The following DOK6 variants were observed in gnomAD, a reference collection of about 807,000 sequenced individuals.
The protein encoded by DOK6 is downstream of tyrosine kinase 6.
In DOK6, 22 loss-of-function variants were observed where a neutral mutation model predicts 44.0. The observed-to-expected ratio is 0.50, with a 90% CI of 0.36 to 0.71. DOK6 has a LOEUF of 0.71. DOK6 is among the 30% of genes least tolerant of loss of function. The probability of loss-of-function intolerance (pLI) is 0.00; values close to 1 mark genes in which losing one functional copy is unlikely to be tolerated. For synonymous variants in DOK6, 166 were observed against 145.5 expected (o/e 1.14, Z -1.01); for missense variants, 340 against 416.4 (o/e 0.82, Z 1.60).
intron 2 of DOK6, among the ~76,000 whole-genome samples, chr18:69,571,154 G>A: frequency 6.6e-6 from 1 of 151,708 alleles, no homozygotes; most frequent in East Asian, 1.9e-4. Context: ...TACATAAAGT[G>A]GTACAATATT....
chr18:69,660,204 C>T (rs1332416993), intron 3 of DOK6: 1 of 152,068 alleles, frequency 6.6e-6, no homozygotes, highest in East Asian at 1.9e-4. Context: ...TTCTGTACGT[C>T]TGAAACAAAC....
intron 1 of DOK6, among the ~76,000 whole-genome samples, chr18:69,557,570 G>A (rs1982719170): frequency 6.6e-6 from 1 of 152,168 alleles, no homozygotes; most frequent in Non-Finnish European, 1.5e-5. Context: ...TGGCATGCTG[G>A]CTGGCTGGTT....
intron 7 of DOK6, among the ~76,000 whole-genome samples, chr18:69,801,198 G>A (rs1980896261): frequency 6.6e-6 from 1 of 151,686 alleles, no homozygotes; most frequent in Non-Finnish European, 1.5e-5. Flanking sequence ...ACATGCCTTG[G>A]GCATTTTCCC....
chr18:69,638,130 T>C (rs760128046), intron 3 of DOK6, among the ~76,000 whole-genome samples: 7 of 152,220 alleles, frequency 4.6e-5, no homozygotes, highest in Non-Finnish European at 1.0e-4. Flanking sequence ...AGTAAACATT[T>C]TAGCATGTGT....
intron 3 of DOK6, among the ~76,000 whole-genome samples, chr18:69,601,059 A>G (rs1331261002): frequency 6.6e-6 from 1 of 152,212 alleles, no homozygotes; most frequent in African/African-American, 2.4e-5. Context: ...AGAATAAACT[A>G]CGCTTGAGAA....
intron 1 of DOK6, among the ~76,000 whole-genome samples, chr18:69,466,654 C>CA (rs909116498): frequency 3.5e-4 from 51 of 146,692 alleles, no homozygotes; most frequent in South Asian, 1.3e-3. Context: ...TTTTCAAAAA[C>CA]AAAAAAAAAG....
In DOK6 at chr18:69,493,557, A is replaced by G. The variant is rs1402279086; in HGVS notation, c.67-70930A>G. ...TAATACATGCTAAAATTTGAGAATC[A>G]TTGCACTAGACAAGGCAACTAAGGA... On this transcript the variant is annotated intron_variant, in intron 1 of 7. Coordinates refer to ENST00000382713, the MANE Select transcript of DOK6 (RefSeq NM_152721.6). 8.5e-5 allele frequency among the ~76,000 whole-genome samples: 13 copies of G among 152,224 alleles called. No individual in the cohort carries two copies. In the East Asian group the frequency reaches 2.5e-3, roughly 29 times the overall value.
chr18:69,722,837 T>C (rs1482290520), intron 5 of DOK6, among the ~76,000 whole-genome samples: 2 of 152,148 alleles, frequency 1.3e-5, no homozygotes, highest in Non-Finnish European at 2.9e-5. Context: ...AGGGAATAGA[T>C]AGCATTCCTT....
At chr18:69,617,139 G>A (rs1271458487) in intron 3 of DOK6, among the ~76,000 whole-genome samples, 3 of 151,880 alleles carry the variant, frequency 2.0e-5, no homozygotes, top group African/African-American at 4.8e-5. Context: ...TTTTTAAAAT[G>A]CAATGTACTC....
chr18:69,747,118 T>C (rs1401528465), intron 6 of DOK6, among the ~76,000 whole-genome samples: 1 of 152,210 alleles, frequency 6.6e-6, no homozygotes, highest in African/African-American at 2.4e-5. Context: ...ATGTGAATAT[T>C]CAGTAGTATA....
At chr18:69,514,499 G>A (rs1413086638) in intron 1 of DOK6, among the ~76,000 whole-genome samples, 1 of 151,996 alleles carries the variant, frequency 6.6e-6, no homozygotes, top group South Asian at 2.1e-4. Context: ...TGAATCCTGA[G>A]CTGTAATAAA....
At chr18:69,617,708 AAAG>A (rs1353842996) in intron 3 of DOK6, among the ~76,000 whole-genome samples, 3 of 67,718 alleles carry the variant, frequency 4.4e-5, no homozygotes, top group African/African-American at 1.2e-4. Flanking sequence ...CGGAAAGAGA[AAAG>A]AAAGAAAGAA....
intron 4 of DOK6, among the ~76,000 whole-genome samples, chr18:69,685,391 G>A (rs149812223): frequency 6.6e-6 from 1 of 152,162 alleles, no homozygotes; most frequent in Non-Finnish European, 1.5e-5. Flanking sequence ...CTTAATCTCT[G>A]CTTCCTACTC....
At chr18:69,710,110 T>C (rs1014196666) in intron 5 of DOK6, among the ~76,000 whole-genome samples, 2 of 152,146 alleles carry the variant, frequency 1.3e-5, no homozygotes, top group African/African-American at 4.8e-5. Flanking sequence ...ACCCGGGAGT[T>C]TGAAACTGCA....
At chr18:69,423,147 A>G (rs1261120016) in intron 1 of DOK6, among the ~76,000 whole-genome samples, 2 of 152,158 alleles carry the variant, frequency 1.3e-5, no homozygotes, top group African/African-American at 4.8e-5. Flanking sequence ...TACGAAGAAT[A>G]CAAAAATTAG....
chr18:69,714,554 A>T (rs1203562799), intron 5 of DOK6, among the ~76,000 whole-genome samples: 1 of 152,244 alleles, frequency 6.6e-6, no homozygotes, highest in East Asian at 1.9e-4. Flanking sequence ...AAGTAAAATA[A>T]ACTTAGAACA....
chr18:69,437,561 T>G (rs1979016820), intron 1 of DOK6, among the ~76,000 whole-genome samples: 1 of 152,218 alleles, frequency 6.6e-6, no homozygotes, highest in Non-Finnish European at 1.5e-5. Flanking sequence ...CAGGCTGTTT[T>G]GGTTACTGTA....
chr18:69,746,383 C>T, intron 6 of DOK6, among the ~76,000 whole-genome samples: 1 of 152,064 alleles, frequency 6.6e-6, no homozygotes, highest in East Asian at 1.9e-4. Flanking sequence ...TCAGCCTCCC[C>T]AGTAGCTAGA....
At chr18:69,543,452 AT>A (rs1982321476) in intron 1 of DOK6, among the ~76,000 whole-genome samples, 2 of 151,596 alleles carry the variant, frequency 1.3e-5, no homozygotes, top group Non-Finnish European at 3.0e-5. Context: ...AGACAAACAT[AT>A]ACAACCTCTC....
Sources: allele counts gnomAD v4.1 joint callset (sites outside exome capture counted in the v4.1 genomes callset), GRCh38; gene constraint gnomAD v4.1.1; transcripts MANE v1.5; gene names NCBI Gene and HGNC (gene_info 2026-07-23, HGNC 2026-07-21).